CRACR2A: variants seen among roughly 807,000 people sequenced by gnomAD.
CRACR2A encodes the protein calcium release activated channel regulator 2A.
A neutral mutation model predicts 90.5 loss-of-function variants in CRACR2A; 79 were observed. The observed-to-expected ratio is 0.87, with a 90% CI of 0.73 to 1.05. The LOEUF is 1.05. Ranked by LOEUF, CRACR2A falls within the 50% of genes least tolerant of loss-of-function variation. CRACR2A has a pLI of 0.00. For missense variants in CRACR2A, 823 were observed against 897.2 expected, an observed-to-expected ratio of 0.92 and a Z score of 1.06; for synonymous variants, 338 against 356.7, an observed-to-expected ratio of 0.95 and a Z score of 0.59.
At chr12:3,652,481 C>T (rs1944811313) in intron 10 of CRACR2A, among the ~76,000 whole-genome samples, 1 of 151,956 alleles carries the variant, frequency 6.6e-6, no homozygotes, top group African/African-American at 2.4e-5. Context: ...TTAACTAGGG[C>T]TATCTTACTA....
intron 13 of CRACR2A, among the ~76,000 whole-genome samples, chr12:3,639,688 T>G (rs1944527811): frequency 6.6e-6 from 1 of 152,196 alleles, no homozygotes; most frequent in Admixed American, 6.5e-5. Flanking sequence ...GGTATCACCA[T>G]CCTGAAATTA....
At position 3,746,352 on chromosome 12, in the gene CRACR2A, GCT is replaced by G. The variant is rs145041742; in HGVS notation, c.-387+6661_-387+6662del. 4.0e-3 allele frequency among the ~76,000 whole-genome samples: 590 copies of G among 147,010 alleles called. 2 individuals carry two copies. The highest frequency in any genetic ancestry group is 7.2e-3 in the Middle Eastern group (2 of 278). On this transcript the variant is annotated intron_variant, in intron 1 of 19. Transcript: ENST00000440314. This position sits in a 1 kb window ranked among gnomAD's most constrained non-coding sequence, Gnocchi z 4.4. Reference sequence around the variant, plus strand: ...GCCCATCATGAAGAGACACCAGAGAGCTCTCTCTCTCTCTCTCTCTCCCCATC... The same window carrying G: ...GCCCATCATGAAGAGACACCAGAGAGCTCTCTCTCTCTCTCTCTCCCCATC...
chr12:3,704,968 T>C (rs904060924), intron 3 of CRACR2A, among the ~76,000 whole-genome samples: 9 of 152,218 alleles, frequency 5.9e-5, no homozygotes, highest in African/African-American at 2.2e-4. Context: ...GAAGTGCTTC[T>C]ACTTTCATTT....
intron 4 of CRACR2A, among the ~76,000 whole-genome samples, chr12:3,687,731 T>C (rs1945586451): frequency 6.6e-6 from 1 of 152,224 alleles, no homozygotes; most frequent in South Asian, 2.1e-4. Flanking sequence ...GCTGGGTCCA[T>C]GGTAGTTCTG....
At position 3,638,510 on chromosome 12, in the gene CRACR2A, C is replaced by CGGGCT. The variant is rs143944044; in HGVS notation, c.1272-61_1272-57dup. 4,655 of 1,468,726 alleles carry CGGGCT rather than the reference C, an allele frequency of 3.2e-3. 139 individuals are homozygous for CGGGCT. The African/African-American group carries it at 0.057, about 18-fold the overall frequency. 91.0% of individuals were successfully genotyped at this position (1,468,726 alleles called of 1,614,324 possible). On this transcript the variant is annotated intron_variant, in intron 13 of 19. Coordinates refer to ENST00000440314, the MANE Select transcript of CRACR2A (RefSeq NM_001144958.2). ...GAGGATTTCACAAAATATTTCAATA[C>CGGGCT]GGGCTGCATAACAGCTTTTGTGACG...
chr12:3,676,472 C>T (rs1415281596), intron 6 of CRACR2A, among the ~76,000 whole-genome samples: 1 of 152,192 alleles, frequency 6.6e-6, no homozygotes, highest in Non-Finnish European at 1.5e-5. Context: ...CTAACCCCAA[C>T]ATGATGGTGC....
chr12:3,652,600 A>G (rs1252256979), intron 10 of CRACR2A, among the ~76,000 whole-genome samples: 1 of 152,186 alleles, frequency 6.6e-6, no homozygotes, highest in Non-Finnish European at 1.5e-5. Flanking sequence ...AGTTTTATTT[A>G]GGCCTATGGA....
At chr12:3,708,517 C>CTG (rs1184787320) in intron 3 of CRACR2A, among the ~76,000 whole-genome samples, 1 of 152,162 alleles carries the variant, frequency 6.6e-6, no homozygotes, top group Non-Finnish European at 1.5e-5. Flanking sequence ...CTCCGCCTCC[C>CTG]GGGTTCGCGC....
intron 2 of CRACR2A, chr12:3,731,827 G>A (rs1466879503): frequency 6.6e-6 from 1 of 152,234 alleles, no homozygotes. Flanking sequence ...TGATGATAAA[G>A]GCAGGGATTG....
chr12:3,737,549 G>A (rs528202988), intron 1 of CRACR2A, among the ~76,000 whole-genome samples: 1 of 152,284 alleles, frequency 6.6e-6, no homozygotes, highest in African/African-American at 2.4e-5. Context: ...GATACATGGA[G>A]GCTGGTTGGG....
intron 14 of CRACR2A, among the ~76,000 whole-genome samples, chr12:3,637,731 G>A (rs969219909): frequency 9.9e-5 from 15 of 152,066 alleles, no homozygotes; most frequent in African/African-American, 3.1e-4. Flanking sequence ...ACCCGACCCC[G>A]GCCAATGGGG....
intron 3 of CRACR2A, among the ~76,000 whole-genome samples, chr12:3,697,760 G>A (rs548797778): frequency 6.6e-6 from 1 of 152,336 alleles, no homozygotes; most frequent in South Asian, 2.1e-4. Context: ...AGGAGAAAAT[G>A]TGCCCCATTC....
intron 1 of CRACR2A, among the ~76,000 whole-genome samples, chr12:3,742,940 T>C (rs1946550479): frequency 6.6e-6 from 1 of 152,230 alleles, no homozygotes; most frequent in African/African-American, 2.4e-5. Flanking sequence ...AAAGAAATAC[T>C]GTGTCCCTTT....
intron 15 of CRACR2A, among the ~76,000 whole-genome samples, chr12:3,629,088 C>T (rs1012625419): frequency 2.6e-5 from 4 of 152,232 alleles, no homozygotes; most frequent in African/African-American, 9.7e-5. Context: ...TCCCTCTTCA[C>T]CTTCACAGAG....
intron 7 of CRACR2A, among the ~76,000 whole-genome samples, chr12:3,672,217 C>T (rs1468774880): frequency 6.6e-6 from 1 of 152,262 alleles, no homozygotes. Flanking sequence ...CAGGGAGACA[C>T]AAGACGAAAA....
intron 10 of CRACR2A, among the ~76,000 whole-genome samples, chr12:3,653,379 G>A (rs1944836664): frequency 6.6e-6 from 1 of 152,220 alleles, no homozygotes. Context: ...ATAAATGTTT[G>A]CCAAATGAAT....
chr12:3,690,136 G>T (rs1945628247), intron 4 of CRACR2A, among the ~76,000 whole-genome samples: 1 of 151,274 alleles, frequency 6.6e-6, no homozygotes, highest in African/African-American at 2.4e-5. Flanking sequence ...TCTTTCTAAT[G>T]GTTTTTCGTG....
At chr12:3,686,619 CTG>C (rs1039532307) in intron 4 of CRACR2A, among the ~76,000 whole-genome samples, 1 of 152,188 alleles carries the variant, frequency 6.6e-6, no homozygotes, top group Non-Finnish European at 1.5e-5. Flanking sequence ...TTCATGCTCT[CTG>C]TAGCCTTTTC....
chr12:3,693,078 G>T (rs1945676537), intron 4 of CRACR2A, among the ~76,000 whole-genome samples: 1 of 152,146 alleles, frequency 6.6e-6, no homozygotes, highest in Admixed American at 6.5e-5. Context: ...GGCAGAACAG[G>T]GTGCATGCAC....
Sources: gnomAD v4.1 joint callset for allele counts (sites outside exome capture counted in the v4.1 genomes callset) on GRCh38, gnomAD v4.1.1 for gene constraint, Gnocchi (gnomAD v3.1) non-coding constraint, MANE v1.5 for transcripts, NCBI Gene and HGNC (gene_info 2026-07-23, HGNC 2026-07-21) for gene names.